HACE1: variants seen among roughly 807,000 people sequenced by gnomAD.
HACE1 encodes HECT domain and ankyrin repeat containing E3 ubiquitin protein ligase 1.
HACE1 carries 73 observed loss-of-function variants against 118.4 expected under a neutral mutation model. The observed-to-expected ratio is 0.62, with a 90% CI of 0.51 to 0.75. The LOEUF (loss-of-function observed/expected upper bound fraction) is 0.75. HACE1 is among the 30% of genes least tolerant of loss of function. HACE1 has a pLI of 0.00. For synonymous variants in HACE1, 368 were observed against 374.8 expected, an observed-to-expected ratio of 0.98 and a Z score of 0.21; for missense variants, 749 against 1,102.2, an observed-to-expected ratio of 0.68 and a Z score of 4.54.
rs547481611 is a variant in HACE1, at chr6:104,847,302, A to G, written c.326+1840T>C. 2.0e-4 allele frequency among the ~76,000 whole-genome samples: 30 copies of G among 152,330 alleles called. No homozygotes were observed. The East Asian group carries it at 4.0e-3, about 21-fold the overall frequency. The stretch of plus-strand genomic sequence containing the variant: ...AAACAGAGTACTATGATATTTTTCT[A>G]CATGTAACCTTTTCAAGACCTTTGT... On this transcript the variant is annotated intron_variant, in intron 4 of 23. Coordinates refer to ENST00000262903, the MANE Select transcript of HACE1 (RefSeq NM_020771.4).
chr6:104,774,258 T>A (rs2114728824), intron 17 of HACE1, among the ~76,000 whole-genome samples: 1 of 128,844 alleles, frequency 7.8e-6, no homozygotes, highest in Admixed American at 7.6e-5. Context: ...CCCGGCTAAT[T>A]TTTTTGTATT....
At chr6:104,741,211 T>C (rs1776637816) in intron 22 of HACE1, among the ~76,000 whole-genome samples, 1 of 111,878 alleles carries the variant, frequency 8.9e-6, no homozygotes, top group Admixed American at 8.8e-5. Context: ...TCATACTGAA[T>C]GGGCAAAAAC....
chr6:104,759,766 G>GT (rs1779127654), intron 19 of HACE1, among the ~76,000 whole-genome samples: 1 of 152,154 alleles, frequency 6.6e-6, no homozygotes, highest in South Asian at 2.1e-4. Flanking sequence ...CCAGGAACTA[G>GT]TTTTTTGAAA....
At chr6:104,732,478 C>G (rs992784845) in intron 22 of HACE1, 1 of 151,938 alleles carries the variant, frequency 6.6e-6, no homozygotes, top group Non-Finnish European at 1.5e-5. Flanking sequence ...TCCATGTATA[C>G]GAAGTTCTTA....
intron 19 of HACE1, among the ~76,000 whole-genome samples, chr6:104,760,596 T>A (rs757001640): frequency 6.6e-6 from 1 of 151,990 alleles, no homozygotes; most frequent in Non-Finnish European, 1.5e-5. Context: ...TCATACTGAA[T>A]AGGGAAAAAA....
intron 4 of HACE1, among the ~76,000 whole-genome samples, chr6:104,846,287 A>G (rs974934653): frequency 1.3e-5 from 2 of 152,232 alleles, no homozygotes; most frequent in Non-Finnish European, 2.9e-5. Context: ...CCTACCCTTT[A>G]TGAGCTCATA....
intron 6 of HACE1, among the ~76,000 whole-genome samples, chr6:104,816,545 G>A (rs1772135274): frequency 6.6e-6 from 1 of 152,234 alleles, no homozygotes; most frequent in Non-Finnish European, 1.5e-5. Flanking sequence ...CTAGATTTCA[G>A]AGAATGTATG....
At chr6:104,756,116 GA>G (rs1778602745) in intron 19 of HACE1, among the ~76,000 whole-genome samples, 1 of 152,038 alleles carries the variant, frequency 6.6e-6, no homozygotes, top group African/African-American at 2.4e-5. Context: ...TGACCCCAAA[GA>G]AATATAAACA....
At chr6:104,735,013 T>C (rs1775658404) in intron 22 of HACE1, among the ~76,000 whole-genome samples, 1 of 151,906 alleles carries the variant, frequency 6.6e-6, no homozygotes, top group Non-Finnish European at 1.5e-5. Flanking sequence ...AAACAGAAAT[T>C]ATAAAAACTT....
At chr6:104,748,742 C>G (rs1268720267) in intron 20 of HACE1, among the ~76,000 whole-genome samples, 1 of 152,180 alleles carries the variant, frequency 6.6e-6, no homozygotes, top group Non-Finnish European at 1.5e-5. Context: ...GAACAAATTA[C>G]CAACTGCATG....
chr6:104,850,891 A>G lies in HACE1; in HGVS notation c.221+16T>C, dbSNP rs747290599. The G allele has an allele frequency of 1.4e-6, 2 of 1,475,692 alleles. No homozygotes were observed. Among genetic ancestry groups the G allele is most frequent in the South Asian group, 1.1e-5 (1 of 88,332 alleles). The allele number at this position is 1,475,692 out of a possible 1,614,324, so 91.4% of individuals were successfully genotyped here. A position where few individuals can be genotyped will look rare whatever the true frequency, so the allele number is the denominator to read the frequency against. ...GCCCTAGATCAGAGTTTAACTCAAAATATCTTTAGTCTTACTTTGCTGCAA... is the reference window on the plus strand; with the variant it reads ...GCCCTAGATCAGAGTTTAACTCAAAGTATCTTTAGTCTTACTTTGCTGCAA... On this transcript the variant is annotated intron_variant, in intron 3 of 23. Coordinates refer to ENST00000262903, the MANE Select transcript of HACE1 (RefSeq NM_020771.4).
chr6:104,769,071 G>A (rs1161855853), intron 19 of HACE1, among the ~76,000 whole-genome samples: 2 of 151,634 alleles, frequency 1.3e-5, no homozygotes, highest in African/African-American at 4.9e-5. Context: ...ATCTTGCTCT[G>A]TCACTCAGGC....
At chr6:104,793,253 C>A (rs977605480) in intron 10 of HACE1, among the ~76,000 whole-genome samples, 2 of 133,038 alleles carry the variant, frequency 1.5e-5, no homozygotes, top group East Asian at 4.1e-4. Flanking sequence ...GGCGATAGAG[C>A]GAGACTACAT....
rs1040113978 is a variant in HACE1, at chr6:104,780,291, C to A, written c.1567-2974G>T. 4 of 422,254 alleles carry A rather than the reference C, an allele frequency of 9.5e-6. No homozygotes were observed. In the East Asian group the frequency reaches 2.2e-4, roughly 23 times the overall value. 26.2% of individuals were successfully genotyped at this position (422,254 alleles called of 1,614,324 possible). ...CAAAAGCTCAGATCAAACACACACA[C>A]ACACATACAAACACCTACACAGCCA... On this transcript the variant is annotated intron_variant, in intron 14 of 23. Transcript: ENST00000262903.
chr6:104,734,851 C>A (rs1412867120), intron 22 of HACE1, among the ~76,000 whole-genome samples: 2 of 152,120 alleles, frequency 1.3e-5, no homozygotes, highest in African/African-American at 4.8e-5. Flanking sequence ...ACTTGAATAA[C>A]TGATTTCTGC....
chr6:104,763,031 TAAAC>T (rs1779583584), intron 19 of HACE1, among the ~76,000 whole-genome samples: 1 of 110,278 alleles, frequency 9.1e-6, no homozygotes, highest in African/African-American at 3.3e-5. Flanking sequence ...AAATAAGAAA[TAAAC>T]AAATTTCCCA....
At chr6:104,758,722 G>A (rs999878179) in intron 19 of HACE1, among the ~76,000 whole-genome samples, 2 of 152,084 alleles carry the variant, frequency 1.3e-5, no homozygotes, top group African/African-American at 4.8e-5. Context: ...ATGTAAATGG[G>A]CTAAATGACC....
Position 104,744,782 on chromosome 6 carries a change from C to T in HACE1, c.2344-172G>A, listed in dbSNP as rs968342567. The stretch of plus-strand genomic sequence containing the variant: ...GCATTACATGAGAGAGAATCCTTGA[C>T]GCTGATAATCTCAAATATTATAAGA... On this transcript the variant is annotated intron_variant, in intron 20 of 23. Coordinates refer to ENST00000262903, the MANE Select transcript of HACE1 (RefSeq NM_020771.4). 3.9e-5 allele frequency among the ~76,000 whole-genome samples: 6 copies of T among 152,198 alleles called. No homozygotes were observed. In the East Asian group the frequency reaches 9.6e-4, roughly 24 times the overall value.
At chr6:104,826,739 C>T (rs1188558448) in intron 6 of HACE1, among the ~76,000 whole-genome samples, 1 of 152,192 alleles carries the variant, frequency 6.6e-6, no homozygotes, top group Non-Finnish European at 1.5e-5. Context: ...AGCTACGCTA[C>T]ATTTATACAT....
Sources: gnomAD v4.1 joint callset for allele counts (sites outside exome capture counted in the v4.1 genomes callset) on GRCh38, gnomAD v4.1.1 for gene constraint, MANE v1.5 for transcripts, NCBI Gene and HGNC (gene_info 2026-07-23, HGNC 2026-07-21) for gene names.